Variants in TTC8 observed in about 807,000 individuals in gnomAD.
TTC8 encodes tetratricopeptide repeat protein 8.
A neutral mutation model predicts 72.5 loss-of-function variants in TTC8; 47 were observed. That is an observed-to-expected ratio of 0.65 (90% CI 0.51 to 0.83). The LOEUF (loss-of-function observed/expected upper bound fraction) is 0.83. Among genes scored for constraint, TTC8 ranks in the 40% least tolerant of loss-of-function variants. The probability of loss-of-function intolerance (pLI) is 0.00; values close to 1 mark genes in which losing one functional copy is unlikely to be tolerated. For missense variants in TTC8, 611 were observed against 623.2 expected (o/e 0.98, Z 0.21); for synonymous variants, 199 against 221.4 (o/e 0.90, Z 0.90).
intron 2 of TTC8, chr14:88,836,813 A>C (rs1476001799): frequency 6.5e-6 from 1 of 154,278 alleles, no homozygotes; most frequent in East Asian, 1.9e-4. Context: ...TAATCTCAGC[A>C]CTTTGGGAGG....
intron 9 of TTC8, among the ~76,000 whole-genome samples, chr14:88,859,161 T>A (rs920581438): frequency 3.3e-5 from 5 of 152,172 alleles, no homozygotes; most frequent in African/African-American, 1.2e-4. Context: ...AATGGATGGT[T>A]ATTATGTAAT....
chr14:88,871,779 C>T lies in TTC8; in HGVS notation c.1224+56C>T. On this transcript the variant is annotated intron_variant, in intron 12 of 14. Coordinates refer to ENST00000380656, the MANE Select transcript of TTC8 (RefSeq NM_144596.4). This position sits in a 1 kb window ranked among gnomAD's most constrained non-coding sequence, Gnocchi z 4.1. The stretch of plus-strand genomic sequence containing the variant: ...ATAGAAAGTTGGTTTGAGCCAGACA[C>T]AGTGGCTCATGCCTATAATTCCAGC... 6.4e-7 allele frequency: 1 copy of T among 1,574,182 alleles called. No individual in the cohort carries two copies. Among genetic ancestry groups the T allele is most frequent in the South Asian group, 1.1e-5 (1 of 90,064 alleles).
chr14:88,879,019 A>T (rs1233212901), downstream of TTC8: 1 of 152,234 alleles, frequency 6.6e-6, no homozygotes, highest in African/African-American at 2.4e-5. Context: ...CTGTAAATAA[A>T]TCTACTACCA....
intron 9 of TTC8, among the ~76,000 whole-genome samples, chr14:88,860,534 TCTC>T (rs1345079360): frequency 6.6e-6 from 1 of 152,154 alleles, no homozygotes; most frequent in Non-Finnish European, 1.5e-5. Flanking sequence ...CCATGGGTCA[TCTC>T]CTCTTTATTC....
At chr14:88,873,790 G>A (rs921586481) in intron 13 of TTC8, among the ~76,000 whole-genome samples, 3 of 152,130 alleles carry the variant, frequency 2.0e-5, no homozygotes, top group African/African-American at 7.2e-5. Context: ...AGCCATCAAG[G>A]GCAAATATTA....
At chr14:88,877,094 A>C (rs2094960299) in intron 14 of TTC8, among the ~76,000 whole-genome samples, 200 bp from the exon 15 acceptor site, 1 of 152,112 alleles carries the variant, frequency 6.6e-6, no homozygotes, top group Non-Finnish European at 1.5e-5. Context: ...TAGAATTCTA[A>C]AATCAAAGTA....
chr14:88,838,871 A>C (rs1469800707), intron 2 of TTC8, among the ~76,000 whole-genome samples: 1 of 152,204 alleles, frequency 6.6e-6, no homozygotes, highest in Non-Finnish European at 1.5e-5. Context: ...GTTCAGTTCA[A>C]CCAACATTTC....
chr14:88,839,115 GGTT>G (rs1168949991), intron 2 of TTC8, among the ~76,000 whole-genome samples: 2 of 152,064 alleles, frequency 1.3e-5, no homozygotes, highest in African/African-American at 4.8e-5. Context: ...AGAACAATGT[GGTT>G]GTAGCTTTAT....
At chr14:88,830,119 G>A (rs768195814) in intron 1 of TTC8, among the ~76,000 whole-genome samples, 8 of 152,024 alleles carry the variant, frequency 5.3e-5, no homozygotes, top group Non-Finnish European at 8.8e-5. Flanking sequence ...ACAATGACTC[G>A]GCAGTTTAAG....
At chr14:88,848,833 T>C (rs1382514062) in intron 7 of TTC8, among the ~76,000 whole-genome samples, 6 of 152,194 alleles carry the variant, frequency 3.9e-5, no homozygotes, top group African/African-American at 7.2e-5. Flanking sequence ...ATTTGTTGAA[T>C]GCCTATGTTG....
Position 88,872,378 on chromosome 14 carries a change from G to T in TTC8, c.1273G>T (p.Val425Phe). The T allele has an allele frequency of 6.2e-7, 1 of 1,613,972 alleles. No individual in the cohort carries two copies. Among genetic ancestry groups the T allele is most frequent in the Non-Finnish European group, 8.5e-7 (1 of 1,179,916 alleles). ...CCATCAGTGCTTCAGGCTGGCTCTGGTCAACAACAACAACCACGCCGAGGC... is the reference window on the plus strand; with the variant it reads ...CCATCAGTGCTTCAGGCTGGCTCTGTTCAACAACAACAACCACGCCGAGGC... ...LAHQCFRLAL[V>F]NNNNHAEAYN... is the part of the protein sequence containing the mutation. The change falls in exon 13 of 15, where the codon GTC becomes TTC. Residue 425 changes from valine (V) to phenylalanine (F), a missense_variant. Physicochemically the swap from Val to Phe is conservative, Grantham distance 50 (BLOSUM62 -1). Coordinates refer to ENST00000380656, the MANE Select transcript of TTC8 (RefSeq NM_144596.4).
chr14:88,831,011 C>T lies in TTC8; in HGVS notation c.115-2682C>T, dbSNP rs191581094. On this transcript the variant is annotated intron_variant, in intron 1 of 14. Coordinates refer to ENST00000380656, the MANE Select transcript of TTC8 (RefSeq NM_144596.4). Reference sequence around the variant, plus strand: ...GCTCTGGGCCCAGAGTGTCTAGGTTCAAATACTGCCTCTATACCTTTGAGG... The same window carrying T: ...GCTCTGGGCCCAGAGTGTCTAGGTTTAAATACTGCCTCTATACCTTTGAGG... 4.3e-3 allele frequency: 1,877 copies of T among 432,454 alleles called. 10 individuals are homozygous for T. Among genetic ancestry groups the T allele is most frequent in the Non-Finnish European group, 6.1e-3 (1,321 of 216,388 alleles). The allele number at this position is 432,454 out of a possible 1,614,324, so 26.8% of individuals were successfully genotyped here. A position where few individuals can be genotyped will look rare whatever the true frequency, so the allele number is the denominator to read the frequency against.
Position 88,862,569 on chromosome 14 carries a change from TATATATATATATATATATATATATA to T in TTC8, c.909+1238_909+1262del, listed in dbSNP as rs1566852720. On this transcript the variant is annotated intron_variant, in intron 10 of 14. Coordinates refer to ENST00000380656, the MANE Select transcript of TTC8 (RefSeq NM_144596.4). The stretch of plus-strand genomic sequence containing the variant: ...ATATATATATATATATATATATATA[TATATATATATATATATATATATATA>T]TATTTAGAGATGGGTTCTCACTCTG... 3.9e-3 allele frequency among the ~76,000 whole-genome samples: 244 copies of T among 63,266 alleles called. 8 individuals carry two copies. Among genetic ancestry groups the T allele is most frequent in the African/African-American group, 0.015 (236 of 15,260 alleles). The allele number at this position is 63,266 out of a possible 152,430, so 41.5% of individuals were successfully genotyped here.
At chr14:88,862,850 C>G (rs965501035) in intron 10 of TTC8, among the ~76,000 whole-genome samples, 7 of 151,404 alleles carry the variant, frequency 4.6e-5, no homozygotes, top group African/African-American at 1.5e-4. Flanking sequence ...TCGTCAAATT[C>G]TATGAAAAGT....
At chr14:88,824,643 A>T, upstream of TTC8, 1 of 1,378,604 alleles carries the variant, frequency 7.3e-7, no homozygotes, top group East Asian at 2.5e-5. Flanking sequence ...GGACGCCGCC[A>T]GCTCTTCACT....
chr14:88,825,990 TA>T (rs1229840232), intron 1 of TTC8, among the ~76,000 whole-genome samples: 49 of 151,764 alleles, frequency 3.2e-4, no homozygotes, highest in Non-Finnish European at 5.6e-4. Flanking sequence ...TATTTTTTTT[TA>T]TTTTTTTTTG....
chr14:88,847,081 G>T (rs1047262464), intron 7 of TTC8, among the ~76,000 whole-genome samples: 1 of 152,150 alleles, frequency 6.6e-6, no homozygotes, highest in Non-Finnish European at 1.5e-5. Context: ...AGGACTTCTG[G>T]ATCTGTGCTA....
At chr14:88,870,410 AACTG>A (rs2094928958) in intron 11 of TTC8, among the ~76,000 whole-genome samples, 1 of 152,236 alleles carries the variant, frequency 6.6e-6, no homozygotes, top group Non-Finnish European at 1.5e-5. Context: ...CACACTGGAC[AACTG>A]ACTGAGTTTT....
intron 3 of TTC8, among the ~76,000 whole-genome samples, 188 bp downstream of exon 3, chr14:88,839,760 G>C (rs1369675245): frequency 6.6e-6 from 1 of 152,020 alleles, no homozygotes; most frequent in Non-Finnish European, 1.5e-5. Context: ...TGGTACAAAG[G>C]CTTTTTCCCC....
Sources: allele counts gnomAD v4.1 joint callset (sites outside exome capture counted in the v4.1 genomes callset), GRCh38; gene constraint gnomAD v4.1.1; non-coding constraint Gnocchi (gnomAD v3.1); transcripts MANE v1.5; gene names NCBI Gene and HGNC (gene_info 2026-07-23, HGNC 2026-07-21).